Variants in ACAA2 observed in about 807,000 individuals in gnomAD.
ACAA2 encodes the protein 3-ketoacyl-CoA thiolase, mitochondrial.
Under a neutral mutation model 44.8 loss-of-function variants are expected in ACAA2, and 35 were observed. The ratio of observed to expected loss-of-function variants is 0.78; its 90% CI spans 0.60 to 1.04. The LOEUF is 1.04. ACAA2 is among the 50% of genes least tolerant of loss of function. The pLI is 0.00. For missense variants in ACAA2, 468 were observed against 482.6 expected (o/e 0.97, Z 0.28); for synonymous variants, 142 against 166.5 (o/e 0.85, Z 1.13).
chr18:49,799,925 G>A (rs1426754180), intron 2 of ACAA2, among the ~76,000 whole-genome samples: 1 of 149,454 alleles, frequency 6.7e-6, no homozygotes, highest in African/African-American at 2.5e-5. Flanking sequence ...TGAGAAGTGA[G>A]GAGACCCTCT....
At chr18:49,787,239 T>C in intron 8 of ACAA2, 52 bp downstream of exon 8, 5 of 1,316,114 alleles carry the variant, frequency 3.8e-6, no homozygotes, top group Non-Finnish European at 4.0e-6. Flanking sequence ...GCTATAAAAG[T>C]ACATGGTTTA....
At chr18:49,796,558 A>G (rs1374649233) in intron 3 of ACAA2, among the ~76,000 whole-genome samples, 1 of 152,200 alleles carries the variant, frequency 6.6e-6, no homozygotes, top group Non-Finnish European at 1.5e-5. Context: ...ATGAAATTGG[A>G]TTTCACTTTC....
chr18:49,813,527 G>A lies in ACAA2; in HGVS notation c.-43C>T. The stretch of plus-strand genomic sequence containing the variant: ...CGGCGGCGCGGGTCTGTGGTGTGGG[G>A]GACGCTGAGCGGCCGCTCGCAATCA... On this transcript the variant is annotated 5_prime_UTR_variant, in exon 1 of 10. Coordinates refer to ENST00000285093, the MANE Select transcript of ACAA2 (RefSeq NM_006111.3). 1 of 1,237,696 alleles carries A rather than the reference G, an allele frequency of 8.1e-7. No homozygotes were observed. The highest frequency in any genetic ancestry group is 4.1e-5 in the South Asian group (1 of 24,326). The allele number at this position is 1,237,696 out of a possible 1,614,324, so 76.7% of individuals were successfully genotyped here. A position where few individuals can be genotyped will look rare whatever the true frequency, so the allele number is the denominator to read the frequency against.
At chr18:49,792,731 C>A (rs1353896698) in intron 5 of ACAA2, among the ~76,000 whole-genome samples, 2 of 152,212 alleles carry the variant, frequency 1.3e-5, no homozygotes, top group Non-Finnish European at 2.9e-5. Flanking sequence ...CAGATATGAG[C>A]CACCACGCTC....
At chr18:49,795,620 A>G in intron 4 of ACAA2, 145 bp downstream of exon 4, 1 of 498,008 alleles carries the variant, frequency 2.0e-6, no homozygotes, top group Non-Finnish European at 3.6e-6. Context: ...ATAGTTTACA[A>G]ACTTCTAATC....
intron 1 of ACAA2, among the ~76,000 whole-genome samples, chr18:49,804,097 G>A (rs1162645115): frequency 6.6e-6 from 1 of 152,062 alleles, no homozygotes; most frequent in Non-Finnish European, 1.5e-5. Flanking sequence ...TTTTAGTAGA[G>A]ACGGGGTTTC....
intron 8 of ACAA2, among the ~76,000 whole-genome samples, chr18:49,787,023 G>A (rs2023338300): frequency 6.6e-6 from 1 of 152,058 alleles, no homozygotes; most frequent in South Asian, 2.1e-4. Flanking sequence ...TTATAAAGTA[G>A]TAAGAAATTC....
At chr18:49,799,903 G>A (rs1393526713) in intron 2 of ACAA2, among the ~76,000 whole-genome samples, 43 of 136,452 alleles carry the variant, frequency 3.2e-4, no homozygotes, top group South Asian at 9.7e-4. Context: ...GTCTCTGCCC[G>A]GCTGCCCCAT....
intron 7 of ACAA2, among the ~76,000 whole-genome samples, chr18:49,789,093 C>T (rs1354338365): frequency 6.6e-6 from 1 of 152,180 alleles, no homozygotes; most frequent in Non-Finnish European, 1.5e-5. Context: ...TCTACCATTG[C>T]CACCCCTGAG....
intron 3 of ACAA2, among the ~76,000 whole-genome samples, chr18:49,796,229 T>C (rs1293576630): frequency 1.3e-5 from 2 of 152,148 alleles, no homozygotes; most frequent in African/African-American, 4.8e-5. Context: ...ACATACCCTT[T>C]AAAAAGGCAA....
At chr18:49,788,670 A>C (rs182042983) in intron 7 of ACAA2, among the ~76,000 whole-genome samples, 1 of 152,364 alleles carries the variant, frequency 6.6e-6, no homozygotes, top group Non-Finnish European at 1.5e-5. Context: ...TGACAGACAC[A>C]TAAAAGGTGG....
At chr18:49,801,785 CATATATAT>C (rs55864039) in intron 2 of ACAA2, among the ~76,000 whole-genome samples, 81 of 112,224 alleles carry the variant, frequency 7.2e-4, no homozygotes, top group South Asian at 5.5e-3. Context: ...AGAAACTGAT[CATATATAT>C]ATATATATAT....
At chr18:49,792,743 G>A (rs918587049) in intron 5 of ACAA2, among the ~76,000 whole-genome samples, 2 of 152,158 alleles carry the variant, frequency 1.3e-5, no homozygotes, top group Non-Finnish European at 2.9e-5. Flanking sequence ...ACCACGCTCA[G>A]CCTGAGTCTT....
At chr18:49,789,024 A>C (rs1369749685) in intron 7 of ACAA2, among the ~76,000 whole-genome samples, 3 of 152,308 alleles carry the variant, frequency 2.0e-5, no homozygotes, top group East Asian at 3.9e-4. Flanking sequence ...TATGATGCCA[A>C]GTAATAGATA....
intron 4 of ACAA2, among the ~76,000 whole-genome samples, chr18:49,795,240 G>A (rs2023451710): frequency 1.3e-5 from 2 of 152,146 alleles, no homozygotes; most frequent in African/African-American, 2.4e-5. Context: ...TATCAGTACT[G>A]TACCATCATT....
rs1245416230 is a variant in ACAA2, at chr18:49,813,463, G to A, written c.16+6C>T. The A allele has an allele frequency of 1.4e-5, 17 of 1,241,980 alleles. No homozygotes were observed. The highest frequency in any genetic ancestry group is 2.5e-4 in the Middle Eastern group (1 of 3,950). The allele number at this position is 1,241,980 out of a possible 1,614,324, so 76.9% of individuals were successfully genotyped here. On this transcript the variant is annotated splice_donor_region_variant and intron_variant, in intron 1 of 9. Coordinates refer to ENST00000285093, the MANE Select transcript of ACAA2 (RefSeq NM_006111.3). Reference sequence around the variant, plus strand: ...GGCGAGGAGAGGAGGAGGGGGCTGCGCTCACCTCGGAGCAGAGCCATGGCG... The same window carrying A: ...GGCGAGGAGAGGAGGAGGGGGCTGCACTCACCTCGGAGCAGAGCCATGGCG...
At chr18:49,792,380 TAAATC>T (rs1219637593) in intron 5 of ACAA2, 53 bp from the exon 6 acceptor site, 4 of 1,426,334 alleles carry the variant, frequency 2.8e-6, no homozygotes, top group Admixed American at 1.9e-5. Context: ...AACATGAAAA[TAAATC>T]AAACATATTA....
intron 7 of ACAA2, among the ~76,000 whole-genome samples, chr18:49,791,057 C>T (rs1302113166): frequency 6.6e-6 from 1 of 152,178 alleles, no homozygotes; most frequent in Non-Finnish European, 1.5e-5. Flanking sequence ...TGTAAAACAA[C>T]CAGCAAGGAG....
chr18:49,785,435 C>CTAAG, intron 8 of ACAA2, 84 bp from the exon 9 acceptor site: 1 of 1,332,250 alleles, frequency 7.5e-7, no homozygotes, highest in Non-Finnish European at 1.0e-6. Context: ...CTATCAACAG[C>CTAAG]TAAGTCTGCT....
Sources: gnomAD v4.1 joint callset for allele counts (sites outside exome capture counted in the v4.1 genomes callset) on GRCh38, gnomAD v4.1.1 for gene constraint, MANE v1.5 for transcripts, NCBI Gene and HGNC (gene_info 2026-07-23, HGNC 2026-07-21) for gene names.